CHD1: variants seen among roughly 807,000 people sequenced by gnomAD.
CHD1 encodes ATP-dependent chromatin remodeler CHD1.
In CHD1, 36 loss-of-function variants were observed where a neutral mutation model predicts 224.2. That is an observed-to-expected ratio of 0.16 (90% confidence interval 0.12 to 0.21). The LOEUF is 0.21. Ranked by LOEUF, CHD1 falls within the 10% of genes least tolerant of loss-of-function variation. CHD1 has a pLI of 1.00. For synonymous variants in CHD1, 668 were observed against 658.3 expected, an observed-to-expected ratio of 1.01 and a Z score of -0.23; for missense variants, 1,378 against 1,994.8, an observed-to-expected ratio of 0.69 and a Z score of 5.89.
chr5:98,898,576 G>GT, intron 9 of CHD1, 88 bp downstream of exon 9: 1 of 1,206,998 alleles, frequency 8.3e-7, no homozygotes, highest in Non-Finnish European at 1.2e-6. Context: ...AAGCTACTGT[G>GT]TTTGATATGT....
Position 98,907,597 on chromosome 5 carries a change from A to AAT in CHD1, c.54-2500_54-2499insAT, listed in dbSNP as rs1326936312. ...GAGCAAAACTCCATCTCAAAAAAAAAAAAAAAAAAGCAAAAAGAGTAAGGA... is the reference window on the plus strand; with the variant it reads ...GAGCAAAACTCCATCTCAAAAAAAAAATAAAAAAAAAGCAAAAAGAGTAAGGA... On this transcript the variant is annotated intron_variant, in intron 2 of 35. Transcript: ENST00000614616. Among the ~76,000 whole-genome samples the AAT allele has an allele frequency of 1.3e-3, 194 of 151,860 alleles. 1 individual carries two copies. The highest frequency in any genetic ancestry group is 4.6e-3 in the African/African-American group (191 of 41,420).
At chr5:98,865,037 A>G (rs761726903) in intron 31 of CHD1, among the ~76,000 whole-genome samples, 11 of 152,230 alleles carry the variant, frequency 7.2e-5, no homozygotes, top group Non-Finnish European at 1.0e-4. Flanking sequence ...ATAGTATGTC[A>G]GATGACAACA....
At chr5:98,871,058 A>C (rs931519154) in intron 28 of CHD1, among the ~76,000 whole-genome samples, 1 of 151,962 alleles carries the variant, frequency 6.6e-6, no homozygotes, top group East Asian at 1.9e-4. Context: ...AGAAAGCATA[A>C]GGTTGTAAAT....
intron 2 of CHD1, among the ~76,000 whole-genome samples, chr5:98,916,084 T>G (rs1352668034): frequency 6.6e-6 from 1 of 151,772 alleles, no homozygotes; most frequent in Non-Finnish European, 1.5e-5. Flanking sequence ...CCCAGCTACT[T>G]GGGAGGCTGA....
intron 7 of CHD1, among the ~76,000 whole-genome samples, chr5:98,900,021 G>T (rs1172039957): frequency 6.6e-6 from 1 of 152,102 alleles, no homozygotes; most frequent in Non-Finnish European, 1.5e-5. Flanking sequence ...GGTGGCTCAC[G>T]CCTGTAATCC....
chr5:98,899,516 T>C lies in CHD1; in HGVS notation c.1049A>G (p.Asp350Gly), dbSNP rs761183209. The change falls in exon 8 of 36, where the codon GAT becomes GGT. Residue 350 changes from aspartate to glycine, a missense_variant. Asp to Gly is a moderately conservative substitution (Grantham distance 94). Transcript: ENST00000614616. ...QQNVRGMKKL[D>G]NYKKKDQETK... ...TTCCTGATCTTTTTTCTTATAATTATCCAATTTTTTCATTCCTCTAACATT... is the reference window on the plus strand; with the variant it reads ...TTCCTGATCTTTTTTCTTATAATTACCCAATTTTTTCATTCCTCTAACATT... The C allele has an allele frequency of 1.2e-6, 2 of 1,612,788 alleles. No individual in the cohort carries two copies. The highest frequency in any genetic ancestry group is 1.3e-5 in the African/African-American group (1 of 74,900).
chr5:98,870,855 T>C, intron 28 of CHD1, 52 bp from the exon 29 acceptor site: 1 of 1,089,986 alleles, frequency 9.2e-7, no homozygotes. Context: ...ACATGAGAAA[T>C]GTACTGGCTA....
chr5:98,888,343 T>C, intron 16 of CHD1, 103 bp from the exon 17 acceptor site: 1 of 867,950 alleles, frequency 1.2e-6, no homozygotes. Flanking sequence ...GATTTTAAAT[T>C]TTCATGTTAG....
chr5:98,901,656 C>G (rs1186072157), intron 5 of CHD1, among the ~76,000 whole-genome samples: 1 of 151,496 alleles, frequency 6.6e-6, no homozygotes, highest in Non-Finnish European at 1.5e-5. Context: ...CTAATCCATG[C>G]CATTTTAATC....
chr5:98,856,238 C>A lies in CHD1; in HGVS notation c.*142G>T, dbSNP rs1748010023. ...TTTTCTCTTCTGTTGGGATAATAGA[C>A]CTTGCATCCTGGAAAGAAGTAACAA... On this transcript the variant is annotated 3_prime_UTR_variant, in exon 36 of 36. Coordinates refer to ENST00000614616, the MANE Select transcript of CHD1 (RefSeq NM_001270.4). 9.7e-6 allele frequency: 6 copies of A among 618,334 alleles called. No individual in the cohort carries two copies. The highest frequency in any genetic ancestry group is 8.2e-5 in the South Asian group (4 of 48,554). 38.3% of individuals were successfully genotyped at this position (618,334 alleles called of 1,614,324 possible).
chr5:98,887,683 G>A (rs1212141926), intron 17 of CHD1, among the ~76,000 whole-genome samples: 1 of 152,096 alleles, frequency 6.6e-6, no homozygotes, highest in Non-Finnish European at 1.5e-5. Flanking sequence ...AGATAACTAT[G>A]AGCACACCAA....
At chr5:98,881,905 T>G in intron 20 of CHD1, 70 bp downstream of exon 20, 1 of 1,304,230 alleles carries the variant, frequency 7.7e-7, no homozygotes. Context: ...TGATCTACAG[T>G]GATGTAACAT....
chr5:98,872,299 G>A, intron 27 of CHD1, 98 bp from the exon 28 acceptor site: 2 of 1,454,916 alleles, frequency 1.4e-6, no homozygotes, highest in Non-Finnish European at 1.9e-6. Context: ...AAAATAATAT[G>A]CTTTATTTCT....
chr5:98,925,481 T>TAA (rs1035855302), intron 2 of CHD1, among the ~76,000 whole-genome samples: 15 of 152,194 alleles, frequency 9.9e-5, no homozygotes, highest in African/African-American at 3.6e-4. Context: ...TAATTTGCCC[T>TAA]AATTCACACA....
chr5:98,882,156 G>T (rs767025169), intron 19 of CHD1, 33 bp from the exon 20 acceptor site: 1 of 1,586,464 alleles, frequency 6.3e-7, no homozygotes, highest in Non-Finnish European at 8.6e-7. Context: ...ACAAATTGCA[G>T]TATAAAGGAT....
chr5:98,868,306 G>C (rs1190409328), intron 31 of CHD1, among the ~76,000 whole-genome samples, 189 bp downstream of exon 31: 1 of 137,394 alleles, frequency 7.3e-6, no homozygotes, highest in Admixed American at 7.7e-5. Flanking sequence ...CAGCCTGGGC[G>C]ACAGTGAGAT....
At chr5:98,881,412 G>A in intron 20 of CHD1, 37 bp from the exon 21 acceptor site, 1 of 1,010,516 alleles carries the variant, frequency 9.9e-7, no homozygotes, top group Non-Finnish European at 1.4e-6. Flanking sequence ...AACATTAACA[G>A]TTAAAAATAT....
intron 2 of CHD1, among the ~76,000 whole-genome samples, chr5:98,922,423 C>T (rs1458436746): frequency 6.6e-6 from 1 of 152,144 alleles, no homozygotes; most frequent in East Asian, 1.9e-4. Context: ...CCTGTGTATT[C>T]TTCTTCCTTT....
chr5:98,885,196 G>A (rs326469), intron 18 of CHD1, among the ~76,000 whole-genome samples: 50,256 of 151,960 alleles, frequency 0.33, 9,919 homozygotes, highest in African/African-American at 0.55. Context: ...GTTCAAGACC[G>A]GCCTAGCCAA....
Sources: gnomAD v4.1 joint callset for allele counts (sites outside exome capture counted in the v4.1 genomes callset) on GRCh38, gnomAD v4.1.1 for gene constraint, MANE v1.5 for transcripts, NCBI Gene and HGNC (gene_info 2026-07-23, HGNC 2026-07-21) for gene names.